The following SCAMP1 variants were observed in gnomAD, a reference collection of about 807,000 sequenced individuals.
The protein encoded by SCAMP1 is secretory carrier membrane protein 1.
A neutral mutation model predicts 41.8 loss-of-function variants in SCAMP1; 15 were observed. The observed-to-expected ratio is 0.36, with a 90% CI of 0.24 to 0.55. The LOEUF (loss-of-function observed/expected upper bound fraction) is 0.55, where lower values mean the gene tolerates loss of function less well. Ranked by LOEUF, SCAMP1 falls within the 20% of genes least tolerant of loss-of-function variation. The pLI is 0.86. For synonymous variants in SCAMP1, 135 were observed against 136.8 expected (o/e 0.99, Z 0.09); for missense variants, 341 against 412.6 (o/e 0.83, Z 1.50).
At chr5:78,365,690 T>A (rs1216612351) in intron 1 of SCAMP1, among the ~76,000 whole-genome samples, 1 of 152,122 alleles carries the variant, frequency 6.6e-6, no homozygotes, top group Non-Finnish European at 1.5e-5. Flanking sequence ...TGGTGCTTTT[T>A]CACAACACGT....
chr5:78,388,984 T>C (rs79280283), intron 2 of SCAMP1, 70 bp downstream of exon 2: 8,248 of 768,938 alleles, frequency 0.011, 355 homozygotes, highest in African/African-American at 0.1. Context: ...CTATGATTTC[T>C]TTTTTAGTGG....
At chr5:78,434,494 T>G (rs1360196350) in intron 6 of SCAMP1, among the ~76,000 whole-genome samples, 2 of 152,078 alleles carry the variant, frequency 1.3e-5, no homozygotes, top group Non-Finnish European at 2.9e-5. Context: ...CACAGATACA[T>G]TTACTTGGTG....
chr5:78,452,040 T>A (rs1459508505), intron 7 of SCAMP1, among the ~76,000 whole-genome samples: 1 of 152,240 alleles, frequency 6.6e-6, no homozygotes, highest in Non-Finnish European at 1.5e-5. Context: ...ATCAGTATTG[T>A]GTCCAGTTTT....
chr5:78,432,428 C>T (rs1024471275), intron 6 of SCAMP1, among the ~76,000 whole-genome samples: 4 of 152,052 alleles, frequency 2.6e-5, no homozygotes, highest in Non-Finnish European at 5.9e-5. Context: ...AAAAAGTCTT[C>T]ATTTTTTGTT....
At chr5:78,437,213 T>C (rs1243364624) in intron 6 of SCAMP1, among the ~76,000 whole-genome samples, 1 of 152,210 alleles carries the variant, frequency 6.6e-6, no homozygotes, top group Admixed American at 6.5e-5. Context: ...TTTCTTTCTC[T>C]TGCCTGATTG....
At chr5:78,370,536 G>A (rs1372841295) in intron 1 of SCAMP1, 1 of 152,202 alleles carries the variant, frequency 6.6e-6, no homozygotes, top group Non-Finnish European at 1.5e-5. Flanking sequence ...CTTGGCATTT[G>A]GCTTTGGGTG....
intron 2 of SCAMP1, among the ~76,000 whole-genome samples, chr5:78,394,355 A>G (rs556467355): frequency 1.3e-5 from 2 of 152,172 alleles, no homozygotes; most frequent in African/African-American, 4.8e-5. Context: ...TATATATATT[A>G]CAATGAAGGC....
chr5:78,397,678 TG>T (rs1751686103), intron 2 of SCAMP1, among the ~76,000 whole-genome samples: 1 of 152,160 alleles, frequency 6.6e-6, no homozygotes, highest in African/African-American at 2.4e-5. Flanking sequence ...CCCAGCACCT[TG>T]GGAAGCTGAG....
chr5:78,408,593 TTTTTGTTTTG>T lies in SCAMP1; in HGVS notation c.136-6911_136-6902del, dbSNP rs568638816. On this transcript the variant is annotated intron_variant, in intron 2 of 8. Coordinates refer to ENST00000621999, the MANE Select transcript of SCAMP1 (RefSeq NM_004866.6). ...GATCTGCAAGTTGGTAGGTTTTTGGTTTTTGTTTTGTTTTGTTTTGTTTTGGAGACAGGAT... is the reference window on the plus strand; with the variant it reads ...GATCTGCAAGTTGGTAGGTTTTTGGTTTTTGTTTTGTTTTGGAGACAGGAT... Among the ~76,000 whole-genome samples, 10 of 152,048 alleles carry T rather than the reference TTTTTGTTTTG, an allele frequency of 6.6e-5. No individual in the cohort carries two copies. In the East Asian group the frequency reaches 1.9e-3, roughly 29 times the overall value.
rs3058233 is a variant in SCAMP1, at chr5:78,404,453, G to GTTTTTTTTTTTTTTTTTTTTTT, written c.136-11047_136-11046insTTTTTTTTTTTTTTTTTTTTTT. ...TGAGCCACTGTGCCCAGCCTTACAG[G>GTTTTTTTTTTTTTTTTTTTTTT]TTTTTTTTTTTTTTTTTTTTGCTAG... On this transcript the variant is annotated intron_variant, in intron 2 of 8. Transcript: ENST00000621999. Among the ~76,000 whole-genome samples the GTTTTTTTTTTTTTTTTTTTTTT allele has an allele frequency of 1.3e-4, 13 of 98,180 alleles. 2 individuals carry two copies. Among genetic ancestry groups the GTTTTTTTTTTTTTTTTTTTTTT allele is most frequent in the African/African-American group, 4.0e-4 (9 of 22,238 alleles). 64.4% of individuals were successfully genotyped at this position (98,180 alleles called of 152,430 possible). A position where few individuals can be genotyped will look rare whatever the true frequency, so the allele number is the denominator to read the frequency against.
chr5:78,457,497 G>A (rs1318567119), intron 7 of SCAMP1, among the ~76,000 whole-genome samples: 5 of 152,082 alleles, frequency 3.3e-5, no homozygotes, highest in Admixed American at 6.5e-5. Context: ...TAGGCTGCTC[G>A]GGGGTCAGGG....
chr5:78,387,804 G>A (rs535390464), intron 1 of SCAMP1, among the ~76,000 whole-genome samples: 1 of 152,306 alleles, frequency 6.6e-6, no homozygotes, highest in African/African-American at 2.4e-5. Flanking sequence ...GTCCTGTGAT[G>A]TGATCCATCT....
chr5:78,437,166 A>T (rs1752778809), intron 6 of SCAMP1, among the ~76,000 whole-genome samples: 1 of 152,178 alleles, frequency 6.6e-6, no homozygotes, highest in Admixed American at 6.5e-5. Context: ...TCATCTGCAA[A>T]ATTTGACTTC....
chr5:78,469,384 G>A (rs1437683310), intron 8 of SCAMP1, among the ~76,000 whole-genome samples: 2 of 151,698 alleles, frequency 1.3e-5, no homozygotes, highest in Non-Finnish European at 2.9e-5. Flanking sequence ...GACACAGATA[G>A]AGTAATACTT....
At chr5:78,365,001 T>A (rs1205944740) in intron 1 of SCAMP1, among the ~76,000 whole-genome samples, 1 of 151,964 alleles carries the variant, frequency 6.6e-6, no homozygotes, top group Non-Finnish European at 1.5e-5. Flanking sequence ...TGTGCACATG[T>A]ACCCTAGAAG....
At chr5:78,449,868 C>T (rs558438327) in intron 6 of SCAMP1, 65 bp from the exon 7 acceptor site, 22 of 809,102 alleles carry the variant, frequency 2.7e-5, no homozygotes, top group Non-Finnish European at 4.1e-5. Context: ...AGAAAAATGA[C>T]GTTTTTCCCC....
chr5:78,369,510 C>T (rs1016051842), intron 1 of SCAMP1, among the ~76,000 whole-genome samples: 4 of 151,840 alleles, frequency 2.6e-5, no homozygotes, highest in Non-Finnish European at 4.4e-5. Flanking sequence ...GATCACAGAT[C>T]ACCATAGCAG....
At chr5:78,374,830 AC>A (rs1751026194) in intron 1 of SCAMP1, among the ~76,000 whole-genome samples, 1 of 152,104 alleles carries the variant, frequency 6.6e-6, no homozygotes, top group Non-Finnish European at 1.5e-5. Context: ...TAAGACTGTT[AC>A]GACCCTTGCC....
intron 1 of SCAMP1, among the ~76,000 whole-genome samples, chr5:78,364,364 T>C (rs1750741019): frequency 6.6e-6 from 1 of 152,170 alleles, no homozygotes; most frequent in Non-Finnish European, 1.5e-5. Context: ...ATTGATTGAA[T>C]AAGATAGTTC....
Sources: gnomAD v4.1 joint callset for allele counts (sites outside exome capture counted in the v4.1 genomes callset) on GRCh38, gnomAD v4.1.1 for gene constraint, MANE v1.5 for transcripts, NCBI Gene and HGNC (gene_info 2026-07-23, HGNC 2026-07-21) for gene names.